DISP1: variants seen among roughly 807,000 people sequenced by gnomAD.
DISP1 encodes the protein protein dispatched homolog 1.
DISP1 carries 30 observed loss-of-function variants against 37.3 expected under a neutral mutation model. The ratio of observed to expected loss-of-function variants is 0.80; its 90% CI spans 0.60 to 1.09. The LOEUF (loss-of-function observed/expected upper bound fraction) is 1.09, where lower values mean the gene tolerates loss of function less well. Ranked by LOEUF, DISP1 falls within the 50% of genes least tolerant of loss-of-function variation. The pLI is 0.00. For missense variants in DISP1, 1,598 were observed against 1,879.5 expected (o/e 0.85, Z 2.77); for synonymous variants, 634 against 690.2 (o/e 0.92, Z 1.28).
intron 3 of DISP1, among the ~76,000 whole-genome samples, chr1:222,971,872 T>G (rs1423867365): frequency 2.0e-5 from 3 of 152,134 alleles, no homozygotes; most frequent in Non-Finnish European, 4.4e-5. Flanking sequence ...TAGTATTTTA[T>G]GTAAGATCCA....
intron 1 of DISP1, among the ~76,000 whole-genome samples, chr1:222,907,764 A>G (rs1671983198): frequency 3.9e-5 from 6 of 152,176 alleles, no homozygotes; most frequent in Admixed American, 3.9e-4. Flanking sequence ...AGCCTGACCA[A>G]CATGGTGAAA....
chr1:223,005,070 A>G lies in DISP1; in HGVS notation c.3673A>G (p.Lys1225Glu), dbSNP rs1679789110. ...CTCTGAATTTTTCAACAGCCAAGCA[A>G]AGAATTTAGGGATGCCTGTGCATGC... ...ICSEFFNSQA[K>E]NLGMPVHAAY... Residue 1225 changes from lysine (K) to glutamate (E), a missense_variant, in exon 9 of 9, where the codon AAG (lysine) becomes GAG (glutamate). Coordinates refer to ENST00000675850, the MANE Select transcript of DISP1 (RefSeq NM_001377229.1). 2 of 1,614,166 alleles carry G rather than the reference A, an allele frequency of 1.2e-6. No homozygotes were observed. The highest frequency in any genetic ancestry group is 1.7e-6 in the Non-Finnish European group (2 of 1,180,026).
At chr1:222,860,726 A>C (rs1052147741) in intron 1 of DISP1, among the ~76,000 whole-genome samples, 2 of 151,976 alleles carry the variant, frequency 1.3e-5, no homozygotes, top group African/African-American at 2.4e-5. Context: ...CTCTACTAAA[A>C]ATACAAAAAT....
chr1:222,913,102 A>G (rs1390084414), intron 1 of DISP1, among the ~76,000 whole-genome samples: 1 of 152,368 alleles, frequency 6.6e-6, no homozygotes, highest in East Asian at 1.9e-4. Context: ...AGTAAAAAAA[A>G]TAGTGACTGG....
At chr1:222,850,842 G>T (rs986075731) in intron 1 of DISP1, among the ~76,000 whole-genome samples, 41 of 151,904 alleles carry the variant, frequency 2.7e-4, no homozygotes, top group African/African-American at 9.7e-4. Flanking sequence ...TATCCAGTCT[G>T]TCATTGATGG....
intron 1 of DISP1, among the ~76,000 whole-genome samples, chr1:222,842,312 TTAAA>T (rs1667658205): frequency 6.8e-6 from 1 of 146,832 alleles, no homozygotes; most frequent in Non-Finnish European, 1.5e-5. Flanking sequence ...ACCTGTCATT[TTAAA>T]AAAAAAAAAA....
chr1:222,944,064 A>G (rs1674584138), intron 3 of DISP1, among the ~76,000 whole-genome samples: 1 of 152,066 alleles, frequency 6.6e-6, no homozygotes, highest in Non-Finnish European at 1.5e-5. Context: ...CAACAAAAAA[A>G]CACCTTGCCT....
At chr1:222,995,409 C>T (rs1678986031) in intron 8 of DISP1, among the ~76,000 whole-genome samples, 2 of 152,172 alleles carry the variant, frequency 1.3e-5, no homozygotes, top group South Asian at 2.1e-4. Flanking sequence ...ATCACTGGGT[C>T]ATTTGGGCCA....
chr1:222,964,768 G>C (rs1676343122), intron 3 of DISP1, among the ~76,000 whole-genome samples: 1 of 152,126 alleles, frequency 6.6e-6, no homozygotes, highest in Non-Finnish European at 1.5e-5. Flanking sequence ...GTTTTTCAGT[G>C]GGCTTTTGAA....
chr1:222,871,805 C>T (rs959772875), intron 1 of DISP1, among the ~76,000 whole-genome samples: 8 of 152,114 alleles, frequency 5.3e-5, no homozygotes, highest in Non-Finnish European at 1.2e-4. Context: ...ATTGCCCTGG[C>T]CAGAACTTCC....
intron 1 of DISP1, among the ~76,000 whole-genome samples, chr1:222,830,029 G>T (rs936247155): frequency 6.6e-6 from 1 of 152,068 alleles, no homozygotes; most frequent in African/African-American, 2.4e-5. Context: ...GGAAACAATT[G>T]CTTGCTTTGT....
chr1:222,984,497 G>A (rs1396620082), intron 4 of DISP1, among the ~76,000 whole-genome samples: 3 of 143,082 alleles, frequency 2.1e-5, no homozygotes, highest in Admixed American at 1.4e-4. Context: ...AGGTTTATAT[G>A]TTATATATAA....
At chr1:222,822,770 T>A (rs1211693066) in intron 1 of DISP1, among the ~76,000 whole-genome samples, 1 of 152,216 alleles carries the variant, frequency 6.6e-6, no homozygotes, top group East Asian at 1.9e-4. Context: ...GAGTGAGTGG[T>A]GTGATCATTA....
intron 1 of DISP1, among the ~76,000 whole-genome samples, chr1:222,857,624 TC>T (rs1668627278): frequency 3.9e-5 from 6 of 152,040 alleles, no homozygotes; most frequent in Admixed American, 3.9e-4. Flanking sequence ...CACAAGCATT[TC>T]TACACACCAA....
intron 1 of DISP1, among the ~76,000 whole-genome samples, chr1:222,914,808 A>G (rs567265592): frequency 6.6e-6 from 1 of 152,242 alleles, no homozygotes; most frequent in East Asian, 1.9e-4. Context: ...AAAAATTAAA[A>G]TTAAAATAAT....
At position 223,005,739 on chromosome 1, in the gene DISP1, G is replaced by A. The variant is rs1679864835; in HGVS notation, c.4342G>A (p.Ala1448Thr). The change falls in exon 9 of 9, where the codon GCA becomes ACA. Residue 1448 changes from alanine (A) to threonine (T), a missense_variant. By Grantham distance (58) the Ala-to-Thr change is moderately conservative (BLOSUM62 0). Transcript: ENST00000675850. ...GGAGCTGAGCTTGTCACAGACGGAT[G>A]CAAGTGTGAACTCAGAACATTTCAA... ...KVELSLSQTDASVNSEHFNQN... is the reference protein window; with the variant it reads ...KVELSLSQTDTSVNSEHFNQN... The A allele has an allele frequency of 1.9e-6, 3 of 1,614,156 alleles. No homozygotes were observed. The highest frequency in any genetic ancestry group is 2.5e-6 in the Non-Finnish European group (3 of 1,180,020).
intron 4 of DISP1, among the ~76,000 whole-genome samples, chr1:222,985,907 TCTCA>T (rs1678242750): frequency 6.6e-6 from 1 of 152,204 alleles, no homozygotes; most frequent in Non-Finnish European, 1.5e-5. Flanking sequence ...CAATCACTCT[TCTCA>T]CTAAGTTGAT....
chr1:222,870,361 G>C (rs1438603188), intron 1 of DISP1, among the ~76,000 whole-genome samples: 15 of 152,260 alleles, frequency 9.9e-5, no homozygotes, highest in East Asian at 1.9e-4. Context: ...TGAGGAATCT[G>C]CACACTGACT....
chr1:223,005,213 C>T lies in DISP1; in HGVS notation c.3816C>T (p.Ser1272=). ...CHFFSLNQRC[S]CPDAYKHLNY... ...TCTTCTCTCTGAATCAGAGATGTAG[C>T]TGCCCAGATGCCTACAAACACTTGA... is the stretch of plus-strand genomic sequence containing the variant. The change falls in exon 9 of 9, where the codon AGC becomes AGT. Residue 1272 remains serine (S), a synonymous_variant. Transcript: ENST00000675850. 1 of 1,614,162 alleles carries T rather than the reference C, an allele frequency of 6.2e-7. No individual in the cohort carries two copies. Among genetic ancestry groups the T allele is most frequent in the Non-Finnish European group, 8.5e-7 (1 of 1,180,026 alleles).
Sources: gnomAD v4.1 joint callset for allele counts (sites outside exome capture counted in the v4.1 genomes callset) on GRCh38, gnomAD v4.1.1 for gene constraint, MANE v1.5 for transcripts, NCBI Gene and HGNC (gene_info 2026-07-23, HGNC 2026-07-21) for gene names.